The following ST8SIA1 variants were observed in gnomAD, a reference collection of about 807,000 sequenced individuals.
The protein encoded by ST8SIA1 is alpha-N-acetylneuraminide alpha-2,8-sialyltransferase.
Under a neutral mutation model 35.9 loss-of-function variants are expected in ST8SIA1, and 16 were observed. The ratio of observed to expected loss-of-function variants is 0.45; its 90% CI spans 0.30 to 0.68. The LOEUF is 0.68. ST8SIA1 is among the 30% of genes least tolerant of loss of function. The pLI is 0.09. For missense variants in ST8SIA1, 383 were observed against 453.6 expected, an observed-to-expected ratio of 0.84 and a Z score of 1.41; for synonymous variants, 170 against 169.6, an observed-to-expected ratio of 1.00 and a Z score of -0.02.
intron 4 of ST8SIA1, among the ~76,000 whole-genome samples, chr12:22,205,636 T>C (rs1181348976): frequency 6.6e-6 from 1 of 152,058 alleles, no homozygotes; most frequent in Non-Finnish European, 1.5e-5. Flanking sequence ...ATTTAAAATC[T>C]AGCTGGCACA....
intron 1 of ST8SIA1, among the ~76,000 whole-genome samples, chr12:22,322,693 C>A (rs527688533): frequency 6.6e-6 from 1 of 152,160 alleles, no homozygotes; most frequent in Non-Finnish European, 1.5e-5. Context: ...GGACACAATA[C>A]AGATGATATC....
intron 3 of ST8SIA1, among the ~76,000 whole-genome samples, chr12:22,251,325 T>C (rs900247557): frequency 6.6e-6 from 1 of 152,222 alleles, no homozygotes; most frequent in African/African-American, 2.4e-5. Context: ...CCATGGCTCA[T>C]GTGTCTGGGT....
At position 22,334,406 on chromosome 12, in the gene ST8SIA1, T is replaced by C. The variant is rs1420896126; in HGVS notation, c.-174A>G. ...TCGGCCCCAAAGGTCAGCGCAAGGA[T>C]TTTTTCAAATGCAACTTTTCCAAGG... On this transcript the variant is annotated 5_prime_UTR_variant, in exon 1 of 5. Coordinates refer to ENST00000396037, the MANE Select transcript of ST8SIA1 (RefSeq NM_003034.4). The C allele has an allele frequency of 5.0e-6, 3 of 602,460 alleles. No individual in the cohort carries two copies. Among genetic ancestry groups the C allele is most frequent in the Non-Finnish European group, 8.8e-6 (3 of 340,862 alleles). The allele number at this position is 602,460 out of a possible 1,614,324, so 37.3% of individuals were successfully genotyped here. A position where few individuals can be genotyped will look rare whatever the true frequency, so the allele number is the denominator to read the frequency against.
chr12:22,235,726 G>A (rs778986989), intron 4 of ST8SIA1, among the ~76,000 whole-genome samples: 3 of 152,176 alleles, frequency 2.0e-5, no homozygotes, highest in East Asian at 1.9e-4. Context: ...TTGTCTGTAC[G>A]TTCCAAAAGG....
chr12:22,328,998 A>G (rs1211643129), intron 1 of ST8SIA1, among the ~76,000 whole-genome samples: 1 of 152,220 alleles, frequency 6.6e-6, no homozygotes, highest in Non-Finnish European at 1.5e-5. Flanking sequence ...GCCAGGTAAA[A>G]GGCAGGAAGA....
At chr12:22,218,390 G>T (rs892835789) in intron 4 of ST8SIA1, among the ~76,000 whole-genome samples, 5 of 151,160 alleles carry the variant, frequency 3.3e-5, no homozygotes, top group Non-Finnish European at 5.9e-5. Flanking sequence ...GGCCAAGATG[G>T]GAGGATCACT....
chr12:22,307,229 G>GTAAT (rs1866396454), intron 1 of ST8SIA1, among the ~76,000 whole-genome samples: 1 of 152,072 alleles, frequency 6.6e-6, no homozygotes, highest in Non-Finnish European at 1.5e-5. Context: ...TGCTTGGGTG[G>GTAAT]TAATTACCAA....
chr12:22,266,607 C>T (rs1201038504), intron 2 of ST8SIA1, among the ~76,000 whole-genome samples: 1 of 151,822 alleles, frequency 6.6e-6, no homozygotes, highest in Non-Finnish European at 1.5e-5. Flanking sequence ...TGAGACCAGC[C>T]TAGTAAAACT....
At position 22,334,262 on chromosome 12, in the gene ST8SIA1, C is replaced by A. The variant is rs577923611; in HGVS notation, c.-30G>T. On this transcript the variant is annotated 5_prime_UTR_variant, in exon 1 of 5. Transcript: ENST00000396037. ...GCCCCGGCGTCCCAGGGGCGGGGGC[C>A]GGGGCCTCAGCACAAAGCTAGGCGA... The A allele has an allele frequency of 6.9e-6, 11 of 1,582,894 alleles. No individual in the cohort carries two copies. In the South Asian group the frequency reaches 1.2e-4, roughly 18 times the overall value.
intron 4 of ST8SIA1, 122 bp downstream of exon 4, chr12:22,248,884 G>T: frequency 1.6e-6 from 1 of 641,262 alleles, no homozygotes. Context: ...CATCCTTCCT[G>T]CCTGTCCAGA....
chr12:22,283,746 T>A (rs183025285), intron 2 of ST8SIA1, among the ~76,000 whole-genome samples: 41 of 152,198 alleles, frequency 2.7e-4, no homozygotes, highest in Non-Finnish European at 4.9e-4. Context: ...CCAGCCCAAG[T>A]GAGACACAGA....
At chr12:22,233,584 T>C (rs1303139572) in intron 4 of ST8SIA1, among the ~76,000 whole-genome samples, 1 of 151,996 alleles carries the variant, frequency 6.6e-6, no homozygotes, top group Non-Finnish European at 1.5e-5. Context: ...TTTTCTCTTC[T>C]CTCGCAGTAA....
intron 1 of ST8SIA1, among the ~76,000 whole-genome samples, chr12:22,306,561 TTTCTA>T (rs1866385538): frequency 6.6e-6 from 1 of 152,204 alleles, no homozygotes; most frequent in Admixed American, 6.5e-5. Context: ...ACTTTCAGTG[TTTCTA>T]TTCAGTAATC....
chr12:22,213,113 C>T (rs929014163), intron 4 of ST8SIA1, among the ~76,000 whole-genome samples: 9 of 152,146 alleles, frequency 5.9e-5, no homozygotes, highest in African/African-American at 1.9e-4. Context: ...GAAACTGACT[C>T]GGGACATGAA....
At chr12:22,250,418 T>C (rs547285348) in intron 3 of ST8SIA1, among the ~76,000 whole-genome samples, 1 of 152,342 alleles carries the variant, frequency 6.6e-6, no homozygotes, top group Non-Finnish European at 1.5e-5. Flanking sequence ...CAAAAATAAT[T>C]AAATATGTAT....
intron 4 of ST8SIA1, among the ~76,000 whole-genome samples, chr12:22,234,415 T>C (rs1396662723): frequency 1.3e-5 from 2 of 152,196 alleles, no homozygotes; most frequent in Non-Finnish European, 2.9e-5. Flanking sequence ...ATAACAATTT[T>C]TCCTACTTTC....
intron 2 of ST8SIA1, among the ~76,000 whole-genome samples, chr12:22,258,927 T>C (rs1446323513): frequency 3.3e-5 from 5 of 152,164 alleles, no homozygotes; most frequent in African/African-American, 4.8e-5. Flanking sequence ...ACTATGGAAT[T>C]GGAAGGTAGG....
intron 1 of ST8SIA1, among the ~76,000 whole-genome samples, chr12:22,299,566 TAA>T (rs1030013842): frequency 6.6e-6 from 1 of 152,088 alleles, no homozygotes; most frequent in Admixed American, 6.6e-5. Context: ...GATGATTTAT[TAA>T]AAAAATTTTT....
At chr12:22,294,795 A>C (rs1384431988) in intron 1 of ST8SIA1, among the ~76,000 whole-genome samples, 1 of 152,204 alleles carries the variant, frequency 6.6e-6, no homozygotes, top group Non-Finnish European at 1.5e-5. Flanking sequence ...AATTTATTGA[A>C]CAAGTACACA....
Sources: allele counts gnomAD v4.1 joint callset (sites outside exome capture counted in the v4.1 genomes callset), GRCh38; gene constraint gnomAD v4.1.1; transcripts MANE v1.5; gene names NCBI Gene and HGNC (gene_info 2026-07-23, HGNC 2026-07-21).